ALDH1A2: variants seen among roughly 807,000 people sequenced by gnomAD.
ALDH1A2 encodes the protein retinal dehydrogenase 2.
ALDH1A2 carries 27 observed loss-of-function variants against 60.3 expected under a neutral mutation model. The ratio of observed to expected loss-of-function variants is 0.45; its 90% CI spans 0.33 to 0.62. The LOEUF (loss-of-function observed/expected upper bound fraction) is 0.62. Ranked by LOEUF, ALDH1A2 falls within the 20% of genes least tolerant of loss-of-function variation. The pLI is 0.02. For missense variants in ALDH1A2, 581 were observed against 643.8 expected (o/e 0.90, Z 1.06); for synonymous variants, 289 against 232.4 (o/e 1.24, Z -2.21).
At chr15:58,045,054 AAAAC>A (rs1224533549) in intron 1 of ALDH1A2, among the ~76,000 whole-genome samples, 25 of 152,264 alleles carry the variant, frequency 1.6e-4, no homozygotes, top group African/African-American at 5.3e-4. Flanking sequence ...CTACAAGAAA[AAAAC>A]AAACAACCCC....
At chr15:58,020,384 T>C (rs1205582907) in intron 1 of ALDH1A2, among the ~76,000 whole-genome samples, 1 of 152,216 alleles carries the variant, frequency 6.6e-6, no homozygotes, top group Non-Finnish European at 1.5e-5. Flanking sequence ...CTTTCTAACA[T>C]CTTTCCTGAT....
chr15:57,965,849 C>G, intron 7 of ALDH1A2, 22 bp from the exon 8 acceptor site: 1 of 1,602,644 alleles, frequency 6.2e-7, no homozygotes, highest in Non-Finnish European at 8.5e-7. Context: ...GAAATGGAGA[C>G]AGGTTTTGCA....
chr15:58,049,340 T>C (rs1016721941), intron 1 of ALDH1A2, among the ~76,000 whole-genome samples: 4 of 152,144 alleles, frequency 2.6e-5, no homozygotes, highest in Admixed American at 6.6e-5. Flanking sequence ...ATTTAAACTT[T>C]CTGTGGCTCA....
intron 7 of ALDH1A2, 43 bp downstream of exon 7, chr15:57,992,662 T>C (rs1405417806): frequency 1.3e-6 from 2 of 1,574,510 alleles, no homozygotes; most frequent in East Asian, 2.2e-5. Flanking sequence ...CCTCAACTCA[T>C]TTGCAAGACT....
At chr15:57,989,556 C>T (rs1468230349) in intron 7 of ALDH1A2, among the ~76,000 whole-genome samples, 5 of 152,088 alleles carry the variant, frequency 3.3e-5, no homozygotes, top group African/African-American at 1.2e-4. Flanking sequence ...AGTGAAAGAA[C>T]AGAAAAAATT....
intron 7 of ALDH1A2, chr15:57,980,745 CT>C (rs1328381870): frequency 6.5e-6 from 1 of 154,476 alleles, no homozygotes; most frequent in African/African-American, 2.4e-5. Context: ...CTGAAATTTT[CT>C]GTTTTTGTTG....
intron 7 of ALDH1A2, chr15:57,991,598 C>T (rs1894897562): frequency 6.6e-6 from 1 of 151,968 alleles, no homozygotes; most frequent in South Asian, 2.1e-4. Flanking sequence ...GATGTGCTGT[C>T]AATGTAAAAC....
intron 1 of ALDH1A2, among the ~76,000 whole-genome samples, chr15:58,033,658 A>T (rs140688838): frequency 2.0e-5 from 3 of 150,608 alleles, no homozygotes; most frequent in African/African-American, 7.3e-5. Context: ...TTTTTGTGGA[A>T]GTTGTAAGTT....
At chr15:57,986,203 T>C (rs1340634539) in intron 7 of ALDH1A2, among the ~76,000 whole-genome samples, 3 of 152,144 alleles carry the variant, frequency 2.0e-5, no homozygotes, top group Non-Finnish European at 4.4e-5. Flanking sequence ...TCAGGCAGTA[T>C]GGGACTATGA....
intron 4 of ALDH1A2, among the ~76,000 whole-genome samples, chr15:58,009,051 C>T (rs1450720275): frequency 2.0e-5 from 3 of 152,102 alleles, no homozygotes; most frequent in Non-Finnish European, 4.4e-5. Context: ...AGAGCCCCTA[C>T]AATCAGAAAC....
chr15:57,990,856 A>G (rs1237150230), intron 7 of ALDH1A2, among the ~76,000 whole-genome samples: 1 of 146,104 alleles, frequency 6.8e-6, no homozygotes, highest in East Asian at 2.0e-4. Flanking sequence ...AGCCTGGGCA[A>G]AAGAGTGAAA....
At chr15:58,050,892 A>T (rs149707304) in intron 1 of ALDH1A2, among the ~76,000 whole-genome samples, 110 of 152,302 alleles carry the variant, frequency 7.2e-4, no homozygotes, top group Middle Eastern at 3.4e-3. Context: ...TGCAAAGCAA[A>T]CATCTATGCA....
intron 1 of ALDH1A2, among the ~76,000 whole-genome samples, chr15:58,020,702 T>A (rs1895902665): frequency 6.6e-6 from 1 of 152,166 alleles, no homozygotes; most frequent in African/African-American, 2.4e-5. Context: ...TCTTAGATAT[T>A]TTCTTTCATT....
At chr15:57,996,179 G>C (rs914452664) in intron 4 of ALDH1A2, among the ~76,000 whole-genome samples, 1 of 151,950 alleles carries the variant, frequency 6.6e-6, no homozygotes, top group Non-Finnish European at 1.5e-5. Context: ...AAAGAGAAGC[G>C]ATATGAATCA....
At chr15:57,990,543 C>CTTGT (rs1894858706) in intron 7 of ALDH1A2, 1 of 152,098 alleles carries the variant, frequency 6.6e-6, no homozygotes, top group South Asian at 2.1e-4. Context: ...GGTGTTATCT[C>CTTGT]TTGTTTGACA....
intron 1 of ALDH1A2, among the ~76,000 whole-genome samples, chr15:58,038,810 T>C (rs956036225): frequency 2.0e-5 from 3 of 151,804 alleles, no homozygotes; most frequent in African/African-American, 7.2e-5. Context: ...AACAAGGTAA[T>C]GCCTATACAA....
At chr15:57,986,748 C>G (rs1452860812) in intron 7 of ALDH1A2, among the ~76,000 whole-genome samples, 1 of 152,094 alleles carries the variant, frequency 6.6e-6, no homozygotes, top group Non-Finnish European at 1.5e-5. Context: ...TCTTGGCTCA[C>G]TGCAACCTCT....
At chr15:57,974,869 T>C (rs1397185272) in intron 7 of ALDH1A2, among the ~76,000 whole-genome samples, 3 of 152,224 alleles carry the variant, frequency 2.0e-5, no homozygotes, top group Non-Finnish European at 4.4e-5. Flanking sequence ...ATTTTCATAA[T>C]TCAACAATGA....
In ALDH1A2 at chr15:58,059,415, A is replaced by G. The variant is rs189750321; in HGVS notation, c.117+6119T>C. On this transcript the variant is annotated intron_variant, in intron 1 of 12. Transcript: ENST00000249750. Reference sequence around the variant, plus strand: ...TCCTGGAAAATGCTCTCAAAATTCCATATGTTATCTTGGACAGTCAGGACT... The same window carrying G: ...TCCTGGAAAATGCTCTCAAAATTCCGTATGTTATCTTGGACAGTCAGGACT... Among the ~76,000 whole-genome samples the G allele has an allele frequency of 3.0e-3, 456 of 152,296 alleles. 3 individuals are homozygous for G. Among genetic ancestry groups the G allele is most frequent in the African/African-American group, 0.011 (443 of 41,562 alleles).
Sources: allele counts gnomAD v4.1 joint callset (sites outside exome capture counted in the v4.1 genomes callset), GRCh38; gene constraint gnomAD v4.1.1; transcripts MANE v1.5; gene names NCBI Gene and HGNC (gene_info 2026-07-23, HGNC 2026-07-21).